The following CNTNAP5 variants were observed in gnomAD, a reference collection of about 807,000 sequenced individuals.
CNTNAP5 encodes the protein contactin associated protein family member 5.
CNTNAP5 carries 72 observed loss-of-function variants against 150.2 expected under a neutral mutation model. The observed-to-expected ratio is 0.48, with a 90% CI of 0.40 to 0.58. CNTNAP5 has a LOEUF of 0.58. Among genes scored for constraint, CNTNAP5 ranks in the 20% least tolerant of loss-of-function variants. The pLI, the probability that CNTNAP5 is intolerant of heterozygous loss-of-function variation, is 0.00. For synonymous variants in CNTNAP5, 672 were observed against 619.8 expected (o/e 1.08, Z -1.25); for missense variants, 1,636 against 1,626.2 (o/e 1.01, Z -0.10).
chr2:124,457,840 A>G (rs1693156508), intron 6 of CNTNAP5, among the ~76,000 whole-genome samples: 1 of 152,188 alleles, frequency 6.6e-6, no homozygotes. Flanking sequence ...GATCAGGAAA[A>G]TGCAAATCAA....
intron 3 of CNTNAP5, among the ~76,000 whole-genome samples, chr2:124,324,974 C>G (rs568319411): frequency 7.9e-5 from 12 of 152,184 alleles, no homozygotes; most frequent in Non-Finnish European, 1.5e-4. Context: ...GAGTTTCACA[C>G]TTAATGAAAA....
At chr2:124,433,621 T>C (rs1375578509) in intron 4 of CNTNAP5, among the ~76,000 whole-genome samples, 1 of 151,992 alleles carries the variant, frequency 6.6e-6, no homozygotes, top group Non-Finnish European at 1.5e-5. Context: ...AATGAATCAG[T>C]TTCAATTTGT....
intron 19 of CNTNAP5, among the ~76,000 whole-genome samples, chr2:124,859,033 G>A (rs1677447998): frequency 6.6e-6 from 1 of 151,972 alleles, no homozygotes; most frequent in Non-Finnish European, 1.5e-5. Flanking sequence ...AAAAGCAATG[G>A]CAACAAAAGC....
At chr2:124,834,849 A>G (rs1682796939) in intron 19 of CNTNAP5, among the ~76,000 whole-genome samples, 1 of 151,810 alleles carries the variant, frequency 6.6e-6, no homozygotes, top group Non-Finnish European at 1.5e-5. Flanking sequence ...ATGCAAAAAG[A>G]AGAAATAACA....
intron 1 of CNTNAP5, among the ~76,000 whole-genome samples, chr2:124,161,449 A>G (rs774829135): frequency 1.3e-5 from 2 of 152,176 alleles, no homozygotes; most frequent in Non-Finnish European, 1.5e-5. Context: ...TGCATGGCCC[A>G]TGCAAACCCA....
At chr2:124,293,155 AT>A (rs141270961) in intron 3 of CNTNAP5, among the ~76,000 whole-genome samples, 11,542 of 152,048 alleles carry the variant, frequency 0.076, 595 homozygotes, top group Non-Finnish European at 0.12. Flanking sequence ...AAATTTTTAA[AT>A]TTTTTTATAC....
At chr2:124,321,989 A>C (rs1011626100) in intron 3 of CNTNAP5, among the ~76,000 whole-genome samples, 31 of 151,990 alleles carry the variant, frequency 2.0e-4, no homozygotes. Context: ...GTCTCTACTA[A>C]AAAGGCAAAA....
At chr2:124,712,397 T>G (rs1663137053) in intron 13 of CNTNAP5, among the ~76,000 whole-genome samples, 1 of 152,212 alleles carries the variant, frequency 6.6e-6, no homozygotes, top group Non-Finnish European at 1.5e-5. Flanking sequence ...GTTCAGGATT[T>G]TGACAAAGGT....
chr2:124,521,935 G>T (rs1694855514), intron 8 of CNTNAP5, among the ~76,000 whole-genome samples: 1 of 152,114 alleles, frequency 6.6e-6, no homozygotes, highest in Non-Finnish European at 1.5e-5. Flanking sequence ...AACTGCCTTT[G>T]GGAGGAAGTG....
intron 13 of CNTNAP5, among the ~76,000 whole-genome samples, chr2:124,665,189 C>A (rs12473998): frequency 0.55 from 84,238 of 151,982 alleles, 23,901 homozygotes; most frequent in Non-Finnish European, 0.62. Context: ...TTGTCTTTCC[C>A]TTTTTATCTT....
At position 124,823,444 on chromosome 2, in the gene CNTNAP5, C is replaced by A. The variant is rs183914919; in HGVS notation, c.3217+25124C>A. 9.2e-5 allele frequency among the ~76,000 whole-genome samples: 14 copies of A among 152,334 alleles called. No homozygotes were observed. In the East Asian group the frequency reaches 2.7e-3, roughly 29 times the overall value. On this transcript the variant is annotated intron_variant, in intron 19 of 23. Transcript: ENST00000682447. ...CTTTCAAAGACCGTCACCACACCAG[C>A]TCCATGCCCTACTGGTTACGTACAG...
intron 1 of CNTNAP5, among the ~76,000 whole-genome samples, chr2:124,137,594 G>A (rs898908912): frequency 1.3e-5 from 2 of 152,094 alleles, no homozygotes; most frequent in African/African-American, 4.8e-5. Flanking sequence ...TCTACTTTGG[G>A]CGCTTTAGGG....
intron 1 of CNTNAP5, among the ~76,000 whole-genome samples, chr2:124,131,279 T>C (rs918183580): frequency 6.6e-6 from 1 of 152,228 alleles, no homozygotes; most frequent in African/African-American, 2.4e-5. Context: ...TTTGAAACCA[T>C]GCCCTCGTTA....
intron 3 of CNTNAP5, among the ~76,000 whole-genome samples, chr2:124,371,622 T>C (rs1364143770): frequency 6.6e-6 from 1 of 152,180 alleles, no homozygotes; most frequent in East Asian, 1.9e-4. Flanking sequence ...TTTTGGGGAC[T>C]CTTGCAACTG....
At chr2:124,609,740 T>A in intron 11 of CNTNAP5, 61 bp from the exon 12 acceptor site, 1 of 1,568,020 alleles carries the variant, frequency 6.4e-7, no homozygotes. Context: ...AGTTACTGAT[T>A]CCTGCAAAGG....
intron 13 of CNTNAP5, among the ~76,000 whole-genome samples, chr2:124,651,606 A>G (rs958216927): frequency 1.3e-5 from 2 of 152,250 alleles, no homozygotes; most frequent in African/African-American, 4.8e-5. Context: ...AATCTCCTGA[A>G]GTCAGAGCAA....
chr2:124,683,187 G>A (rs141023081), intron 13 of CNTNAP5, among the ~76,000 whole-genome samples: 155 of 152,260 alleles, frequency 1.0e-3, no homozygotes, highest in African/African-American at 3.6e-3. Flanking sequence ...TGTTGGGGGA[G>A]CCGTGTGCCC....
chr2:124,809,875 T>C (rs1197430116), intron 19 of CNTNAP5, among the ~76,000 whole-genome samples: 4 of 152,152 alleles, frequency 2.6e-5, no homozygotes, highest in African/African-American at 9.7e-5. Flanking sequence ...TTTGTTCTCT[T>C]ACCCAGCACA....
rs72978593 is a variant in CNTNAP5, at chr2:124,732,511, G to T, written c.2078-14718G>T. Among the ~76,000 whole-genome samples, 4 of 151,964 alleles carry T rather than the reference G, an allele frequency of 2.6e-5. No individual in the cohort carries two copies. In the East Asian group the frequency reaches 5.8e-4, roughly 22 times the overall value. On this transcript the variant is annotated intron_variant, in intron 13 of 23. Coordinates refer to ENST00000682447, the MANE Select transcript of CNTNAP5 (RefSeq NM_001367498.1). ...GGGAGACCCTAAGCCCTTCTACCTC[G>T]CAAGGACACATCAACAAGGCAGTTT...
Sources: gnomAD v4.1 joint callset for allele counts (sites outside exome capture counted in the v4.1 genomes callset) on GRCh38, gnomAD v4.1.1 for gene constraint, MANE v1.5 for transcripts, NCBI Gene and HGNC (gene_info 2026-07-23, HGNC 2026-07-21) for gene names.